Variants in OR9Q1 observed in about 807,000 individuals in gnomAD.
OR9Q1 encodes the protein olfactory receptor 9Q1.
For missense variants in OR9Q1, 374 were observed against 378.8 expected, an observed-to-expected ratio of 0.99 and a Z score of 0.11; for synonymous variants, 153 against 148.6, an observed-to-expected ratio of 1.03 and a Z score of -0.22.
chr11:58,100,088 G>T (rs765612279), intron 2 of OR9Q1, among the ~76,000 whole-genome samples: 13 of 152,242 alleles, frequency 8.5e-5, no homozygotes, highest in Middle Eastern at 3.4e-3. Flanking sequence ...GCTCTCCCAC[G>T]CCAGGTAGTC....
intron 2 of OR9Q1, chr11:58,109,227 CA>C: frequency 2.1e-6 from 1 of 466,362 alleles, no homozygotes. Context: ...AGGCACTGGC[CA>C]AAAAGACCCT....
chr11:58,071,725 C>G (rs994026496), intron 2 of OR9Q1, among the ~76,000 whole-genome samples: 5 of 152,216 alleles, frequency 3.3e-5, no homozygotes, highest in African/African-American at 1.2e-4. Context: ...GTTTGCATGC[C>G]ACCCAAATTT....
chr11:58,139,041 C>T (rs985019479), intron 2 of OR9Q1, among the ~76,000 whole-genome samples: 3 of 151,446 alleles, frequency 2.0e-5, no homozygotes, highest in African/African-American at 2.4e-5. Flanking sequence ...AGGGGTGGGG[C>T]CCTGGGAAGA....
At chr11:58,135,882 T>C (rs1049989041) in intron 2 of OR9Q1, among the ~76,000 whole-genome samples, 1 of 152,214 alleles carries the variant, frequency 6.6e-6, no homozygotes, top group Non-Finnish European at 1.5e-5. Context: ...CTGAAATCCC[T>C]TGCAAGTGAA....
At chr11:58,109,236 C>T (rs1485107725) in intron 2 of OR9Q1, 4 of 464,398 alleles carry the variant, frequency 8.6e-6, no homozygotes, top group South Asian at 6.2e-5. Flanking sequence ...CCAAAAAGAC[C>T]CTGCAGGTAC....
chr11:58,102,986 G>T (rs1239011302), intron 2 of OR9Q1, among the ~76,000 whole-genome samples: 1 of 151,824 alleles, frequency 6.6e-6, no homozygotes, highest in Non-Finnish European at 1.5e-5. Context: ...CTAATCTGTT[G>T]TTGAAGCTCT....
At chr11:58,098,214 G>A (rs964539594) in intron 2 of OR9Q1, among the ~76,000 whole-genome samples, 1 of 152,296 alleles carries the variant, frequency 6.6e-6, no homozygotes, top group East Asian at 1.9e-4. Context: ...CCGTCGTGGG[G>A]ATGGAGTGGG....
At chr11:58,177,861 T>A (rs918174035) in intron 2 of OR9Q1, among the ~76,000 whole-genome samples, 4 of 152,192 alleles carry the variant, frequency 2.6e-5, no homozygotes, top group African/African-American at 9.7e-5. Flanking sequence ...GAGCACGTGC[T>A]CTGACCAGGG....
chr11:58,159,690 T>C (rs1854440121), intron 2 of OR9Q1, among the ~76,000 whole-genome samples: 2 of 152,226 alleles, frequency 1.3e-5, no homozygotes, highest in Admixed American at 1.3e-4. Flanking sequence ...TTGAAAGTAA[T>C]TGCCACAGTC....
chr11:58,142,221 T>A (rs1313707826), intron 2 of OR9Q1, among the ~76,000 whole-genome samples: 1 of 152,136 alleles, frequency 6.6e-6, no homozygotes, highest in Non-Finnish European at 1.5e-5. Context: ...GAAGAATATA[T>A]TTCTTCTTTT....
intron 1 of OR9Q1, among the ~76,000 whole-genome samples, chr11:58,025,660 CA>C (rs1205240011): frequency 6.6e-6 from 1 of 152,190 alleles, no homozygotes; most frequent in Non-Finnish European, 1.5e-5. Flanking sequence ...ATGATTCCAT[CA>C]GATATTCATT....
At chr11:58,156,585 G>A (rs968542121) in intron 2 of OR9Q1, among the ~76,000 whole-genome samples, 6 of 152,182 alleles carry the variant, frequency 3.9e-5, no homozygotes, top group African/African-American at 1.4e-4. Flanking sequence ...GACTGTAATT[G>A]TATAGGTATT....
intron 2 of OR9Q1, among the ~76,000 whole-genome samples, chr11:58,086,797 G>T (rs564815370): frequency 2.0e-5 from 3 of 151,900 alleles, no homozygotes; most frequent in African/African-American, 7.3e-5. Flanking sequence ...AATCTAAAAA[G>T]GTAAAATTCA....
At chr11:58,034,389 C>T (rs576549721) in intron 1 of OR9Q1, among the ~76,000 whole-genome samples, 49 of 152,132 alleles carry the variant, frequency 3.2e-4, no homozygotes, top group African/African-American at 1.1e-3. Context: ...ACCCGGCCAG[C>T]ACTTGCTTTT....
chr11:58,180,441 C>A lies in OR9Q1; in HGVS notation c.*64C>A. The A allele has an allele frequency of 1.0e-6, 1 of 999,454 alleles. No homozygotes were observed. Among genetic ancestry groups the A allele is most frequent in the South Asian group, 1.8e-5 (1 of 56,756 alleles). The allele number at this position is 999,454 out of a possible 1,614,324, so 61.9% of individuals were successfully genotyped here. A position where few individuals can be genotyped will look rare whatever the true frequency, so the allele number is the denominator to read the frequency against. ...CTGTAGTGTCAGAATTCTGGACGCT[C>A]ATTATTTATAGCATGCTCAATGTTT... On this transcript the variant is annotated 3_prime_UTR_variant, in exon 3 of 3. Transcript: ENST00000335397.
At chr11:58,037,864 G>A (rs1208151889) in intron 1 of OR9Q1, among the ~76,000 whole-genome samples, 3 of 144,010 alleles carry the variant, frequency 2.1e-5, no homozygotes, top group African/African-American at 7.6e-5. Flanking sequence ...GACTACAGGT[G>A]GCTGCCACCA....
intron 2 of OR9Q1, among the ~76,000 whole-genome samples, chr11:58,123,795 T>A (rs1185818007): frequency 6.6e-6 from 1 of 152,090 alleles, no homozygotes; most frequent in Non-Finnish European, 1.5e-5. Context: ...TCAAAGCGCC[T>A]CTCTAAAACC....
intron 1 of OR9Q1, chr11:58,031,335 T>C: frequency 1.9e-6 from 3 of 1,614,208 alleles, no homozygotes; most frequent in Non-Finnish European, 2.5e-6. Context: ...GATCGTTATG[T>C]GGCCATTTGT....
chr11:58,029,096 A>C (rs1590541582), intron 1 of OR9Q1, among the ~76,000 whole-genome samples: 1 of 152,340 alleles, frequency 6.6e-6, no homozygotes, highest in South Asian at 2.1e-4. Flanking sequence ...CCTAAAACTT[A>C]GTGGTTTAAA....
Sources: allele counts gnomAD v4.1 joint callset (sites outside exome capture counted in the v4.1 genomes callset), GRCh38; gene constraint gnomAD v4.1.1; transcripts MANE v1.5; gene names NCBI Gene and HGNC (gene_info 2026-07-23, HGNC 2026-07-21).